ANKRD50: variants seen among roughly 807,000 people sequenced by gnomAD.
ANKRD50 encodes ankyrin repeat domain 50, also known as ankyrin repeat domain-containing protein 50.
ANKRD50 carries 40 observed loss-of-function variants against 112.0 expected under a neutral mutation model. The ratio of observed to expected loss-of-function variants is 0.36; its 90% CI spans 0.28 to 0.46. ANKRD50 has a LOEUF of 0.46. Ranked by LOEUF, ANKRD50 falls within the 20% of genes least tolerant of loss-of-function variation. ANKRD50 has a pLI of 1.00. For synonymous variants in ANKRD50, 613 were observed against 619.1 expected (o/e 0.99, Z 0.15); for missense variants, 1,487 against 1,701.7 (o/e 0.87, Z 2.22).
At chr4:124,691,757 C>T (rs751550869) in intron 2 of ANKRD50, among the ~76,000 whole-genome samples, 4 of 152,084 alleles carry the variant, frequency 2.6e-5, no homozygotes, top group African/African-American at 9.7e-5. Context: ...ACACTTTTCT[C>T]TAGGAAAAAC....
chr4:124,708,483 A>AAT (rs1358598584), intron 2 of ANKRD50, among the ~76,000 whole-genome samples: 1 of 152,136 alleles, frequency 6.6e-6, no homozygotes, highest in African/African-American at 2.4e-5. Flanking sequence ...GGCTGACTTT[A>AAT]ATAAATTCCT....
In ANKRD50 at chr4:124,666,179, C is replaced by T. The variant is rs971776095; in HGVS notation, c.*1339G>A. 2.0e-5 allele frequency: 3 copies of T among 152,408 alleles called. No individual in the cohort carries two copies. Among genetic ancestry groups the T allele is most frequent in the African/African-American group, 7.2e-5 (3 of 41,428 alleles). 9.4% of individuals were successfully genotyped at this position (152,408 alleles called of 1,614,324 possible). On this transcript the variant is annotated 3_prime_UTR_variant, in exon 5 of 5. Transcript: ENST00000504087. ...CAGACATATAAACGACCCATCTAAG[C>T]TACAGCTCCACTGATTTAAGAGTAA... is the stretch of plus-strand genomic sequence containing the variant.
chr4:124,670,709 A>G lies in ANKRD50; in HGVS notation c.2568T>C (p.Phe856=), dbSNP rs749821848. 1 of 1,613,428 alleles carries G rather than the reference A, an allele frequency of 6.2e-7. No individual in the cohort carries two copies. Among genetic ancestry groups the G allele is most frequent in the Non-Finnish European group, 8.5e-7 (1 of 1,179,744 alleles). Residue 856 remains phenylalanine (F), a synonymous_variant, in exon 4 of 5, where the codon TTT becomes TTC. Coordinates refer to ENST00000504087, the MANE Select transcript of ANKRD50 (RefSeq NM_020337.3). ...AGWTPLHMAA[F]EGHRLICEAL... is the part of the protein sequence containing the mutation. ...CTTCACATATCAATCTGTGCCCTTC[A>G]AAAGCTGCCATGTGCAAAGGTGTCC...
At position 124,695,269 on chromosome 4, in the gene ANKRD50, C is replaced by T. The variant is rs938975259; in HGVS notation, c.512+14731G>A. Among the ~76,000 whole-genome samples, 15 of 152,274 alleles carry T rather than the reference C, an allele frequency of 9.9e-5. No homozygotes were observed. The East Asian group carries it at 2.9e-3, about 29-fold the overall frequency. ...ATTAGAATTTCAGAGGATAGGAGCT[C>T]TTCCAAAGTGAGCAAAAGAATGACC... On this transcript the variant is annotated intron_variant, in intron 2 of 4. Transcript: ENST00000504087.
At chr4:124,697,285 AT>A (rs749738380) in intron 2 of ANKRD50, among the ~76,000 whole-genome samples, 16 of 152,160 alleles carry the variant, frequency 1.1e-4, no homozygotes, top group Non-Finnish European at 1.8e-4. Context: ...TAAGAAGCAA[AT>A]GTAAACAAAG....
chr4:124,667,141 T>C lies in ANKRD50; in HGVS notation c.*377A>G. On this transcript the variant is annotated 3_prime_UTR_variant, in exon 5 of 5. Coordinates refer to ENST00000504087, the MANE Select transcript of ANKRD50 (RefSeq NM_020337.3). ...TGCCACAAAAAGAAAAAAAAATAAATACAAGGAACACTGCCTTTTCATATA... is the reference window on the plus strand; with the variant it reads ...TGCCACAAAAAGAAAAAAAAATAAACACAAGGAACACTGCCTTTTCATATA... The C allele has an allele frequency of 6.6e-6, 1 of 151,950 alleles. No individual in the cohort carries two copies. Among genetic ancestry groups the C allele is most frequent in the South Asian group, 2.1e-4 (1 of 4,832 alleles). 9.4% of individuals were successfully genotyped at this position (151,950 alleles called of 1,614,324 possible).
At chr4:124,694,659 C>A (rs998641198) in intron 2 of ANKRD50, among the ~76,000 whole-genome samples, 1 of 152,148 alleles carries the variant, frequency 6.6e-6, no homozygotes, top group Non-Finnish European at 1.5e-5. Context: ...CAGCAGGGAG[C>A]ACATAAAGTT....
chr4:124,701,677 A>G (rs1477629805), intron 2 of ANKRD50, among the ~76,000 whole-genome samples: 1 of 152,072 alleles, frequency 6.6e-6, no homozygotes, highest in Non-Finnish European at 1.5e-5. Flanking sequence ...ACTGGAACAC[A>G]CTTCAAAGTG....
chr4:124,675,308 T>G (rs1730749726), intron 3 of ANKRD50, among the ~76,000 whole-genome samples: 2 of 151,936 alleles, frequency 1.3e-5, no homozygotes, highest in Admixed American at 6.6e-5. Flanking sequence ...AGAAGACCTG[T>G]GCCAATATTT....
chr4:124,700,872 C>G (rs576677367), intron 2 of ANKRD50, among the ~76,000 whole-genome samples: 1 of 152,224 alleles, frequency 6.6e-6, no homozygotes, highest in African/African-American at 2.4e-5. Context: ...AAGACAAGCT[C>G]AACTTTAAGC....
At chr4:124,700,936 G>T (rs13130626) in intron 2 of ANKRD50, among the ~76,000 whole-genome samples, 26,406 of 152,090 alleles carry the variant, frequency 0.17, 2,415 homozygotes, top group South Asian at 0.23. Context: ...CTTAATGGCT[G>T]AGCCAGAATT....
At position 124,666,644 on chromosome 4, in the gene ANKRD50, G is replaced by A. The variant is rs1730498369; in HGVS notation, c.*874C>T. 2 of 152,370 alleles carry A rather than the reference G, an allele frequency of 1.3e-5. No individual in the cohort carries two copies. Among genetic ancestry groups the A allele is most frequent in the South Asian group, 2.1e-4 (1 of 4,826 alleles). 9.4% of individuals were successfully genotyped at this position (152,370 alleles called of 1,614,324 possible). On this transcript the variant is annotated 3_prime_UTR_variant, in exon 5 of 5. Transcript: ENST00000504087. ...CAAAAATCTACCCTTAGATAGACAG[G>A]TGCATTTCTCTCTGCACACACATGT...
At chr4:124,691,666 A>G (rs1007371225) in intron 2 of ANKRD50, among the ~76,000 whole-genome samples, 4 of 152,166 alleles carry the variant, frequency 2.6e-5, no homozygotes, top group Non-Finnish European at 4.4e-5. Flanking sequence ...AGTACACTTA[A>G]AACATTCTGA....
chr4:124,701,567 T>C (rs556725705), intron 2 of ANKRD50, among the ~76,000 whole-genome samples: 13 of 152,022 alleles, frequency 8.6e-5, no homozygotes, highest in Non-Finnish European at 1.6e-4. Context: ...TATTTCGAGA[T>C]TAGGTTAGCA....
chr4:124,709,863 A>C, intron 2 of ANKRD50, 137 bp downstream of exon 2: 9 of 1,110,538 alleles, frequency 8.1e-6, no homozygotes, highest in South Asian at 3.3e-5. Flanking sequence ...GTAAACAGGT[A>C]TACTCATAAC....
chr4:124,670,226 C>G lies in ANKRD50; in HGVS notation c.3051G>C (p.Gln1017His). 1.9e-6 allele frequency: 3 copies of G among 1,613,816 alleles called. No individual in the cohort carries two copies. The highest frequency in any genetic ancestry group is 2.5e-6 in the Non-Finnish European group (3 of 1,179,876). The change falls in exon 4 of 5, where the codon CAG (glutamine) becomes CAC (histidine). Residue 1017 changes from glutamine (Q) to histidine (H), a missense_variant. Coordinates refer to ENST00000504087, the MANE Select transcript of ANKRD50 (RefSeq NM_020337.3). ...AADNEKRSAL[Q>H]SAAWQGHVKV... Reference sequence around the variant, plus strand: ...TTACATGGCCCTGCCAGGCTGCAGACTGCAAAGCAGAGCGCTTTTCATTGT... The same window carrying G: ...TTACATGGCCCTGCCAGGCTGCAGAGTGCAAAGCAGAGCGCTTTTCATTGT...
intron 2 of ANKRD50, among the ~76,000 whole-genome samples, chr4:124,689,948 T>C (rs573335620): frequency 6.6e-5 from 10 of 152,346 alleles, no homozygotes; most frequent in Non-Finnish European, 8.8e-5. Context: ...GTGTATTCTA[T>C]ATCTTATACT....
chr4:124,678,341 T>A (rs185389076), intron 3 of ANKRD50, among the ~76,000 whole-genome samples: 1 of 152,188 alleles, frequency 6.6e-6, no homozygotes, highest in East Asian at 1.9e-4. Context: ...TTTTATATAT[T>A]ACATAGACTG....
rs1485907248 is a variant in ANKRD50, at chr4:124,670,478, A to G, written c.2799T>C (p.Phe933=). 3 of 1,613,728 alleles carry G rather than the reference A, an allele frequency of 1.9e-6. No individual in the cohort carries two copies. The African/African-American group carries it at 4.0e-5, about 22-fold the overall frequency. ...TGCAGTTAACATCAGCACCATGGCT[A>G]AAAAGCAATTCAACAATGTCCCTGT... The part of the protein sequence containing the change: ...EGHRDIVELL[F]SHGADVNCKD... Residue 933 remains phenylalanine, a synonymous_variant, in exon 4 of 5, where the codon TTT becomes TTC. Coordinates refer to ENST00000504087, the MANE Select transcript of ANKRD50 (RefSeq NM_020337.3).
Sources: allele counts gnomAD v4.1 joint callset (sites outside exome capture counted in the v4.1 genomes callset), GRCh38; gene constraint gnomAD v4.1.1; transcripts MANE v1.5; gene names NCBI Gene and HGNC (gene_info 2026-07-23, HGNC 2026-07-21).